The following ADCY2 variants were observed in gnomAD, a reference collection of about 807,000 sequenced individuals.
The protein encoded by ADCY2 is adenylate cyclase type 2.
In ADCY2, 31 loss-of-function variants were observed where a neutral mutation model predicts 125.2. The observed-to-expected ratio is 0.25, with a 90% CI of 0.19 to 0.33. The LOEUF (loss-of-function observed/expected upper bound fraction) is 0.33, where lower values mean the gene tolerates loss of function less well. ADCY2 is among the 10% of genes least tolerant of loss of function. The pLI is 1.00. For synonymous variants in ADCY2, 512 were observed against 548.4 expected (o/e 0.93, Z 0.93); for missense variants, 904 against 1,418.2 (o/e 0.64, Z 5.82).
At chr5:7,671,677 G>T (rs1268354366) in intron 4 of ADCY2, among the ~76,000 whole-genome samples, 1 of 152,080 alleles carries the variant, frequency 6.6e-6, no homozygotes, top group Non-Finnish European at 1.5e-5. Context: ...CAAATTACTG[G>T]TTGCCACCGT....
At chr5:7,512,949 T>C (rs907757063) in intron 2 of ADCY2, among the ~76,000 whole-genome samples, 7 of 152,044 alleles carry the variant, frequency 4.6e-5, no homozygotes, top group African/African-American at 7.2e-5. Flanking sequence ...GGAGACACAG[T>C]AGACCCTCTC....
chr5:7,677,414 A>G (rs1208188680), intron 4 of ADCY2, among the ~76,000 whole-genome samples: 2 of 152,194 alleles, frequency 1.3e-5, no homozygotes, highest in East Asian at 1.9e-4. Flanking sequence ...GTTCCTCTCC[A>G]CGATTGAATC....
chr5:7,810,242 C>A (rs895443065), intron 22 of ADCY2, among the ~76,000 whole-genome samples: 1 of 152,080 alleles, frequency 6.6e-6, no homozygotes, highest in Non-Finnish European at 1.5e-5. Flanking sequence ...GGTGGGTTAT[C>A]TTCCTGATTG....
rs60426818 is a variant in ADCY2 at position 7,722,960 on chromosome 5, C to CAAAAAAAAAAAAAAAAAAA, written c.1704-1577_1704-1559dup. On this transcript the variant is annotated intron_variant, in intron 12 of 24. Coordinates refer to ENST00000338316, the MANE Select transcript of ADCY2 (RefSeq NM_020546.3). ...GGGCAACAAGAGCGAAACTCCATCT[C>CAAAAAAAAAAAAAAAAAAA]AAAAAAAAAAAAAAAAAAAAAAAAA... 8.3e-4 allele frequency among the ~76,000 whole-genome samples: 43 copies of CAAAAAAAAAAAAAAAAAAA among 51,666 alleles called. 1 individual carries two copies. Among genetic ancestry groups the CAAAAAAAAAAAAAAAAAAA allele is most frequent in the African/African-American group, 1.1e-3 (14 of 13,292 alleles). 33.9% of individuals were successfully genotyped at this position (51,666 alleles called of 152,430 possible).
At chr5:7,660,587 A>G (rs2126692552) in intron 4 of ADCY2, among the ~76,000 whole-genome samples, 1 of 152,300 alleles carries the variant, frequency 6.6e-6, no homozygotes, top group Non-Finnish European at 1.5e-5. Flanking sequence ...TTAAGAGTTG[A>G]TACTGCAGTC....
At chr5:7,402,858 G>T (rs1030110665) in intron 1 of ADCY2, among the ~76,000 whole-genome samples, 9 of 152,148 alleles carry the variant, frequency 5.9e-5, no homozygotes, top group Admixed American at 6.5e-5. Context: ...ATTATTTTCT[G>T]GGAGAGTCCC....
intron 14 of ADCY2, among the ~76,000 whole-genome samples, chr5:7,728,518 A>C (rs1742002684): frequency 6.6e-6 from 1 of 152,186 alleles, no homozygotes; most frequent in African/African-American, 2.4e-5. Context: ...GAAATTTCCC[A>C]ATGTTAACAT....
chr5:7,491,484 T>C (rs981698162), intron 2 of ADCY2, among the ~76,000 whole-genome samples: 1 of 152,212 alleles, frequency 6.6e-6, no homozygotes, highest in Non-Finnish European at 1.5e-5. Flanking sequence ...CTAATAAAAA[T>C]GCTAATTATA....
chr5:7,477,795 A>G (rs942180006), intron 2 of ADCY2, among the ~76,000 whole-genome samples: 1 of 152,340 alleles, frequency 6.6e-6, no homozygotes, highest in African/African-American at 2.4e-5. Flanking sequence ...GTGAACGGGA[A>G]TTGAACCTGT....
intron 11 of ADCY2, among the ~76,000 whole-genome samples, chr5:7,715,203 A>C (rs1741559908): frequency 6.6e-6 from 1 of 152,258 alleles, no homozygotes; most frequent in African/African-American, 2.4e-5. Context: ...TAATTAGTGA[A>C]TTCAAATCAT....
At position 7,666,028 on chromosome 5, in the gene ADCY2, C is replaced by T. The variant is rs1339627765; in HGVS notation, c.721-24663C>T. On this transcript the variant is annotated intron_variant, in intron 4 of 24. Transcript: ENST00000338316. ...TAATTTTTTGTATTTTTAGTAGAGA[C>T]AGGGTTTCACCATGTTAGCCAGGAT... Among the ~76,000 whole-genome samples, 101 of 149,382 alleles carry T rather than the reference C, an allele frequency of 6.8e-4. No homozygotes were observed. The Middle Eastern group carries it at 0.011, about 16-fold the overall frequency.
chr5:7,466,830 A>C (rs1317838282), intron 2 of ADCY2, among the ~76,000 whole-genome samples: 1 of 152,228 alleles, frequency 6.6e-6, no homozygotes, highest in Non-Finnish European at 1.5e-5. Context: ...TGTGCCCGAC[A>C]GCATTCTCAT....
chr5:7,681,899 T>A (rs1300963327), intron 4 of ADCY2, among the ~76,000 whole-genome samples: 1 of 152,244 alleles, frequency 6.6e-6, no homozygotes, highest in East Asian at 1.9e-4. Context: ...CATTATTTAT[T>A]CTTGCACCTA....
chr5:7,551,214 C>G (rs1391242777), intron 3 of ADCY2, among the ~76,000 whole-genome samples: 1 of 152,118 alleles, frequency 6.6e-6, no homozygotes, highest in Non-Finnish European at 1.5e-5. Context: ...ATTTCACTCT[C>G]TTGGTGGCTC....
At chr5:7,697,382 C>G (rs1740929062) in intron 6 of ADCY2, among the ~76,000 whole-genome samples, 1 of 152,140 alleles carries the variant, frequency 6.6e-6, no homozygotes, top group Non-Finnish European at 1.5e-5. Context: ...GATATGAGTT[C>G]ATGGCTCACA....
chr5:7,690,910 C>T (rs1165963167), intron 5 of ADCY2, 71 bp downstream of exon 5: 2 of 1,411,118 alleles, frequency 1.4e-6, no homozygotes, highest in Middle Eastern at 1.9e-4. Flanking sequence ...CCTGGGATCT[C>T]ACACCTCATA....
intron 3 of ADCY2, among the ~76,000 whole-genome samples, chr5:7,613,952 G>A (rs1446132586): frequency 2.6e-5 from 4 of 152,210 alleles, no homozygotes; most frequent in East Asian, 3.8e-4. Flanking sequence ...CAGGCTTTAC[G>A]TTAAAGTTAT....
intron 3 of ADCY2, among the ~76,000 whole-genome samples, chr5:7,561,535 T>C (rs1033991299): frequency 6.6e-6 from 1 of 152,178 alleles, no homozygotes; most frequent in Non-Finnish European, 1.5e-5. Context: ...GAAACTTTCT[T>C]ATGCAGTGCA....
At chr5:7,586,977 T>TATAG (rs763595980) in intron 3 of ADCY2, among the ~76,000 whole-genome samples, 59 of 152,236 alleles carry the variant, frequency 3.9e-4, no homozygotes, top group Non-Finnish European at 7.1e-4. Flanking sequence ...CACACAGGTA[T>TATAG]ATAGATAGAT....
Sources: allele counts gnomAD v4.1 joint callset (sites outside exome capture counted in the v4.1 genomes callset), GRCh38; gene constraint gnomAD v4.1.1; transcripts MANE v1.5; gene names NCBI Gene and HGNC (gene_info 2026-07-23, HGNC 2026-07-21).